The following RBFOX1 variants were observed in gnomAD, a reference collection of about 807,000 sequenced individuals.
RBFOX1 encodes RNA binding protein fox-1 homolog 1.
RBFOX1 carries 8 observed loss-of-function variants against 57.7 expected under a neutral mutation model. The observed-to-expected ratio is 0.14, with a 90% CI of 0.08 to 0.25. RBFOX1 has a LOEUF of 0.25. RBFOX1 is among the 10% of genes least tolerant of loss of function. RBFOX1 has a pLI of 1.00. For synonymous variants in RBFOX1, 326 were observed against 222.4 expected (o/e 1.47, Z -4.15); for missense variants, 611 against 548.5 (o/e 1.11, Z -1.14).
chr16:7,211,305 T>C (rs1213733135), intron 4 of RBFOX1, among the ~76,000 whole-genome samples: 1 of 145,380 alleles, frequency 6.9e-6, no homozygotes, highest in Non-Finnish European at 1.5e-5. Flanking sequence ...GGCAGGAGAA[T>C]GGTGTGAACC....
chr16:6,673,624 A>T (rs1249728853), intron 3 of RBFOX1, among the ~76,000 whole-genome samples: 1 of 152,186 alleles, frequency 6.6e-6, no homozygotes, highest in African/African-American at 2.4e-5. Context: ...ATAGATATGT[A>T]TTGAACACAA....
chr16:6,742,671 C>A (rs749022405), intron 3 of RBFOX1, among the ~76,000 whole-genome samples: 1 of 152,112 alleles, frequency 6.6e-6, no homozygotes, highest in Non-Finnish European at 1.5e-5. Context: ...AATGAACTAT[C>A]GATATACACA....
At chr16:7,504,929 A>G (rs970031276) in intron 4 of RBFOX1, among the ~76,000 whole-genome samples, 1 of 148,898 alleles carries the variant, frequency 6.7e-6, no homozygotes, top group Non-Finnish European at 1.5e-5. Flanking sequence ...CAATTTCGCA[A>G]ACAGACAGGT....
intron 10 of RBFOX1, chr16:7,614,961 C>G (rs1319302638): frequency 6.6e-6 from 1 of 152,186 alleles, no homozygotes; most frequent in African/African-American, 2.4e-5. Flanking sequence ...TTTTTCACTG[C>G]TTTGCTACGC....
At chr16:5,304,080 C>G (rs142033113) in intron 1 of RBFOX1, among the ~76,000 whole-genome samples, 4 of 152,168 alleles carry the variant, frequency 2.6e-5, no homozygotes, top group Non-Finnish European at 5.9e-5. Context: ...TTCCTTCTGA[C>G]AAATCTCCAA....
chr16:6,806,574 C>T (rs75482105), intron 3 of RBFOX1, among the ~76,000 whole-genome samples: 3 of 151,660 alleles, frequency 2.0e-5, no homozygotes, highest in African/African-American at 7.3e-5. Context: ...TTTTAAAGAG[C>T]CTGAACTAGT....
intron 3 of RBFOX1, among the ~76,000 whole-genome samples, chr16:6,805,283 C>T (rs1178223054): frequency 6.6e-6 from 1 of 152,092 alleles, no homozygotes; most frequent in Non-Finnish European, 1.5e-5. Flanking sequence ...CAAACTATGA[C>T]AGGAACAAAA....
chr16:7,669,832 G>A (rs943227731), intron 13 of RBFOX1, among the ~76,000 whole-genome samples: 1 of 152,188 alleles, frequency 6.6e-6, no homozygotes, highest in East Asian at 1.9e-4. Context: ...CTTGCTTTCA[G>A]TGTGAGGTGG....
intron 4 of RBFOX1, among the ~76,000 whole-genome samples, chr16:5,982,667 C>T (rs2060197923): frequency 6.6e-6 from 1 of 152,172 alleles, no homozygotes; most frequent in East Asian, 1.9e-4. Flanking sequence ...GCTGAAATCT[C>T]ATCTCACCAC....
At chr16:7,232,018 C>T (rs1366638372) in intron 4 of RBFOX1, among the ~76,000 whole-genome samples, 3 of 152,028 alleles carry the variant, frequency 2.0e-5, no homozygotes, top group Non-Finnish European at 2.9e-5. Context: ...GAACAAAATG[C>T]CACTGAATTG....
intron 3 of RBFOX1, among the ~76,000 whole-genome samples, chr16:6,827,174 A>G (rs895309302): frequency 2.7e-5 from 4 of 149,874 alleles, no homozygotes; most frequent in African/African-American, 9.9e-5. Flanking sequence ...TTACATTTTT[A>G]AAAATAAATC....
intron 2 of RBFOX1, among the ~76,000 whole-genome samples, chr16:5,515,066 TGAA>T (rs2043740983): frequency 1.3e-5 from 2 of 152,134 alleles, no homozygotes; most frequent in African/African-American, 4.8e-5. Flanking sequence ...AACTCTCTAA[TGAA>T]TTTACAGAAC....
At chr16:7,078,639 C>T (rs1386148487) in intron 4 of RBFOX1, among the ~76,000 whole-genome samples, 2 of 151,614 alleles carry the variant, frequency 1.3e-5, no homozygotes, top group East Asian at 2.0e-4. Context: ...TGAGCCACCA[C>T]ACCCAGCCCG....
At chr16:7,709,948 C>A (rs2083689132) in intron 15 of RBFOX1, 1 of 1,016,152 alleles carries the variant, frequency 9.8e-7, no homozygotes, top group African/African-American at 1.7e-5. Context: ...AAAAATGAAT[C>A]CCCATAGGCA....
intron 3 of RBFOX1, among the ~76,000 whole-genome samples, chr16:5,808,857 A>C (rs986017676): frequency 1.3e-5 from 2 of 152,184 alleles, no homozygotes; most frequent in Admixed American, 6.5e-5. Flanking sequence ...CAATCATGTC[A>C]TGTGCAAACA....
intron 4 of RBFOX1, among the ~76,000 whole-genome samples, chr16:7,090,697 T>C (rs1242639524): frequency 2.0e-5 from 3 of 152,148 alleles, no homozygotes; most frequent in Non-Finnish European, 2.9e-5. Context: ...AAAGTTGAGT[T>C]CTCTGCAACC....
chr16:6,179,984 A>G (rs555668305), intron 1 of RBFOX1, among the ~76,000 whole-genome samples: 118 of 152,278 alleles, frequency 7.7e-4, no homozygotes, highest in South Asian at 1.5e-3. Context: ...TGAGATGATC[A>G]TATGGTGTAT....
chr16:5,736,915 C>G (rs918842936), intron 3 of RBFOX1, among the ~76,000 whole-genome samples: 2 of 148,302 alleles, frequency 1.3e-5, no homozygotes, highest in Non-Finnish European at 3.0e-5. Context: ...GTCTCTCTCC[C>G]CCTCCCTCTC....
chr16:7,061,331 T>C (rs537320984), intron 4 of RBFOX1, among the ~76,000 whole-genome samples: 6 of 152,324 alleles, frequency 3.9e-5, no homozygotes, highest in African/African-American at 1.2e-4. Flanking sequence ...CTCCAGTCTT[T>C]GCAAGAACAT....
Sources: allele counts gnomAD v4.1 joint callset (sites outside exome capture counted in the v4.1 genomes callset), GRCh38; gene constraint gnomAD v4.1.1; transcripts MANE v1.5; gene names NCBI Gene and HGNC (gene_info 2026-07-23, HGNC 2026-07-21).